ARHGEF2: variants seen among roughly 807,000 people sequenced by gnomAD.
The protein encoded by ARHGEF2 is Rho/Rac guanine nucleotide exchange factor 2.
In ARHGEF2, 22 loss-of-function variants were observed where a neutral mutation model predicts 121.0. The observed-to-expected ratio is 0.18, with a 90% CI of 0.13 to 0.26. ARHGEF2 has a LOEUF of 0.26. Among genes scored for constraint, ARHGEF2 ranks in the 10% least tolerant of loss-of-function variants. The pLI is 1.00. For synonymous variants in ARHGEF2, 487 were observed against 530.0 expected (o/e 0.92, Z 1.11); for missense variants, 907 against 1,336.0 (o/e 0.68, Z 5.01).
At chr1:155,969,806 G>C (rs1047659197) in intron 1 of ARHGEF2, 5 of 985,698 alleles carry the variant, frequency 5.1e-6, no homozygotes, top group African/African-American at 3.5e-5. Context: ...CAGTCACAGT[G>C]GGGGGGGCAG....
chr1:155,964,167 A>AATATATAT lies in ARHGEF2; in HGVS notation c.724+813_724+820dup, dbSNP rs869033599. Reference sequence around the variant, plus strand: ...TTCAAAAAAAAAAAAAAAAAAAAAAAATATATATATATATATATATATATA... The same window carrying AATATATAT: ...TTCAAAAAAAAAAAAAAAAAAAAAAAATATATATATATATATATATATATATATATATA... On this transcript the variant is annotated intron_variant, in intron 7 of 21. Coordinates refer to ENST00000361247, the MANE Select transcript of ARHGEF2 (RefSeq NM_001162383.2). 1.4e-3 allele frequency among the ~76,000 whole-genome samples: 126 copies of AATATATAT among 91,146 alleles called. 1 individual carries two copies. The highest frequency in any genetic ancestry group is 6.6e-3 in the African/African-American group (109 of 16,482). The allele number at this position is 91,146 out of a possible 152,430, so 59.8% of individuals were successfully genotyped here.
chr1:155,955,627 T>C (rs1335046193), intron 13 of ARHGEF2, among the ~76,000 whole-genome samples: 1 of 152,166 alleles, frequency 6.6e-6, no homozygotes, highest in African/African-American at 2.4e-5. Flanking sequence ...CCTCATAGGT[T>C]TTTCATTAGG....
intron 1 of ARHGEF2, chr1:155,970,416 C>G: frequency 1.0e-6 from 1 of 985,478 alleles, no homozygotes; most frequent in Non-Finnish European, 1.2e-6. Flanking sequence ...TCCCACTATT[C>G]TAGGACCTTC....
At chr1:155,966,955 A>G in intron 2 of ARHGEF2, 68 bp from the exon 3 acceptor site, 1 of 1,457,666 alleles carries the variant, frequency 6.9e-7, no homozygotes, top group Non-Finnish European at 9.6e-7. Flanking sequence ...ACCCACATGC[A>G]GACACCCATC....
At chr1:155,975,243 A>C (rs996126157) in intron 1 of ARHGEF2, among the ~76,000 whole-genome samples, 2 of 152,168 alleles carry the variant, frequency 1.3e-5, no homozygotes, top group Admixed American at 1.3e-4. Flanking sequence ...GCAGGCAGAC[A>C]GACACACTGA....
Position 155,952,377 on chromosome 1 carries a change from G to A in ARHGEF2, c.1985-142C>T, listed in dbSNP as rs59371857. On this transcript the variant is annotated intron_variant, in intron 15 of 21. Coordinates refer to ENST00000361247, the MANE Select transcript of ARHGEF2 (RefSeq NM_001162383.2). The stretch of plus-strand genomic sequence containing the variant: ...GTGGGGTTTCACTCACACAACCACT[G>A]ATGAGGTAAAGGGCAGTAAATGCCT... 2.6e-3 allele frequency: 3,313 copies of A among 1,278,082 alleles called. 77 individuals carry two copies. In the African/African-American group the frequency reaches 0.044, roughly 17 times the overall value. 79.2% of individuals were successfully genotyped at this position (1,278,082 alleles called of 1,614,324 possible).
rs1675733668 is a variant in ARHGEF2, at chr1:155,952,657, T to A, written c.1955A>T (p.Glu652Val). 6.2e-7 allele frequency: 1 copy of A among 1,613,206 alleles called. No individual in the cohort carries two copies. Among genetic ancestry groups the A allele is most frequent in the Non-Finnish European group, 8.5e-7 (1 of 1,179,266 alleles). Reference sequence around the variant, plus strand: ...ACGGATGGCATCCTGCAGCAGCCGCTCGCCACGAGGGGACTCAAGGGACTC... The same window carrying A: ...ACGGATGGCATCCTGCAGCAGCCGCACGCCACGAGGGGACTCAAGGGACTC... Reference protein sequence around the residue: ...RSESLESPRGERLLQDAIREV... With the variant: ...RSESLESPRGVRLLQDAIREV... Residue 652 changes from glutamate (E) to valine (V), a missense_variant, in exon 15 of 22, where the codon GAG becomes GTG. Transcript: ENST00000361247.
At chr1:155,978,860 C>T (rs1366948297), upstream of ARHGEF2, 1 of 987,260 alleles carries the variant, frequency 1.0e-6, no homozygotes, top group East Asian at 1.1e-4. This position sits in a 1 kb window ranked among gnomAD's most constrained non-coding sequence, Gnocchi z 4.1. Context: ...CTCTGCCCTC[C>T]CCTTCTTCCC....
rs774787045 is a variant in ARHGEF2 at position 155,957,894 on chromosome 1, G to A, written c.1546-12C>T. On this transcript the variant is annotated splice_polypyrimidine_tract_variant and intron_variant, in intron 12 of 21. Transcript: ENST00000361247. ...ACTGAAGGCTTGTCCTGCCAGTCAG[G>A]GGAAAGGAAGGATTAAGCCTGGGAA... 5.6e-6 allele frequency: 9 copies of A among 1,611,708 alleles called. No homozygotes were observed. Among genetic ancestry groups the A allele is most frequent in the African/African-American group, 4.0e-5 (3 of 74,848 alleles).
At chr1:155,973,835 C>G (rs1680873634) in intron 1 of ARHGEF2, among the ~76,000 whole-genome samples, 1 of 151,842 alleles carries the variant, frequency 6.6e-6, no homozygotes, top group African/African-American at 2.4e-5. Flanking sequence ...CAAAGGCAAA[C>G]ACAGTCTCCC....
At chr1:155,955,135 C>CT (rs903703964) in intron 13 of ARHGEF2, among the ~76,000 whole-genome samples, 166 bp from the exon 14 acceptor site, 250 of 148,992 alleles carry the variant, frequency 1.7e-3, no homozygotes, top group African/African-American at 5.1e-3. Flanking sequence ...CCTTTTCTTT[C>CT]TTTTTTTTTT....
At chr1:155,963,910 C>T (rs534599440) in intron 7 of ARHGEF2, among the ~76,000 whole-genome samples, 57 of 149,978 alleles carry the variant, frequency 3.8e-4, no homozygotes, top group African/African-American at 1.3e-3. Flanking sequence ...TTTGGGAGGC[C>T]GAGGCGGGTG....
chr1:155,965,220 C>T lies in ARHGEF2; in HGVS notation c.580+83G>A. 1.9e-6 allele frequency: 3 copies of T among 1,606,958 alleles called. No homozygotes were observed. Among genetic ancestry groups the T allele is most frequent in the Non-Finnish European group, 1.7e-6 (2 of 1,174,372 alleles). On this transcript the variant is annotated intron_variant, in intron 6 of 21. Coordinates refer to ENST00000361247, the MANE Select transcript of ARHGEF2 (RefSeq NM_001162383.2). The surrounding 1 kb of genome is among the most constrained non-coding windows in gnomAD (Gnocchi z 6.0). The stretch of plus-strand genomic sequence containing the variant: ...TCTCTAGATCCCTTCCCTCCTTGTC[C>T]TTCCAGGCTACTCCCACCAGCCTCT...
In ARHGEF2 at chr1:155,950,482, G is replaced by A; in HGVS notation, c.2704C>T (p.Pro902Ser). The change falls in exon 21 of 22, where the codon CCC becomes TCC. Residue 902 changes from proline (P) to serine (S), a missense_variant and splice_region_variant. Transcript: ENST00000361247. This position sits in a 1 kb window ranked among gnomAD's most constrained non-coding sequence, Gnocchi z 5.2. ...ALYLSFNPPQPSRGTDRLDLP... is the reference protein window; with the variant it reads ...ALYLSFNPPQSSRGTDRLDLP... Reference sequence around the variant, plus strand: ...TCCAGGCGGTCAGTGCCTCGGCTGGGCTGTGGACAGTGGGCAGGAAGAACA... The same window carrying A: ...TCCAGGCGGTCAGTGCCTCGGCTGGACTGTGGACAGTGGGCAGGAAGAACA... 1 of 1,613,392 alleles carries A rather than the reference G, an allele frequency of 6.2e-7. No homozygotes were observed. Among genetic ancestry groups the A allele is most frequent in the Non-Finnish European group, 8.5e-7 (1 of 1,179,986 alleles).
In ARHGEF2 at chr1:155,950,495, G is replaced by T; in HGVS notation, c.2704-13C>A. The stretch of plus-strand genomic sequence containing the variant: ...TGCCTCGGCTGGGCTGTGGACAGTG[G>T]GCAGGAAGAACAGCAGGTCAGGGAC... On this transcript the variant is annotated splice_polypyrimidine_tract_variant and intron_variant, in intron 20 of 21. Coordinates refer to ENST00000361247, the MANE Select transcript of ARHGEF2 (RefSeq NM_001162383.2). This position sits in a 1 kb window ranked among gnomAD's most constrained non-coding sequence, Gnocchi z 5.2. The T allele has an allele frequency of 6.2e-7, 1 of 1,612,418 alleles. No individual in the cohort carries two copies. The highest frequency in any genetic ancestry group is 8.5e-7 in the Non-Finnish European group (1 of 1,179,468).
At chr1:155,966,740 G>T in intron 3 of ARHGEF2, 80 bp downstream of exon 3, 1 of 1,409,364 alleles carries the variant, frequency 7.1e-7, no homozygotes, top group South Asian at 1.2e-5. Context: ...ACACAGGGTA[G>T]GGAATGAATG....
In ARHGEF2 at chr1:155,978,205, C is replaced by G; in HGVS notation, c.63+160G>C. On this transcript the variant is annotated intron_variant, in intron 1 of 21. Coordinates refer to ENST00000361247, the MANE Select transcript of ARHGEF2 (RefSeq NM_001162383.2). The surrounding 1 kb of genome is among the most constrained non-coding windows in gnomAD (Gnocchi z 4.1). ...CTCCCCCCACCCCTACCCACTCGCT[C>G]GCAGTCCCCACCCACCCCGTCCCGC... The G allele has an allele frequency of 7.7e-7, 1 of 1,300,480 alleles. No homozygotes were observed. The highest frequency in any genetic ancestry group is 1.7e-5 in the South Asian group (1 of 58,300). 80.6% of individuals were successfully genotyped at this position (1,300,480 alleles called of 1,614,324 possible).
In ARHGEF2 at chr1:155,952,709, T is replaced by G. The variant is rs767816233; in HGVS notation, c.1903A>C (p.Thr635Pro). ...EDGGSGMALPTLPRGLFRSES... is the reference protein window; with the variant it reads ...EDGGSGMALPPLPRGLFRSES... ...GAGCGGAAAAGGCCCCTGGGCAGGGTGGGCAGGGCCATCCCACTGCCACCA... is the reference window on the plus strand; with the variant it reads ...GAGCGGAAAAGGCCCCTGGGCAGGGGGGGCAGGGCCATCCCACTGCCACCA... The change falls in exon 15 of 22, where the codon ACC becomes CCC. Residue 635 changes from threonine to proline, a missense_variant. Transcript: ENST00000361247. 3.7e-6 allele frequency: 6 copies of G among 1,614,044 alleles called. No individual in the cohort carries two copies. The Admixed American group carries it at 1.0e-4, about 27-fold the overall frequency.
chr1:155,955,031 G>T, intron 13 of ARHGEF2, 62 bp from the exon 14 acceptor site: 1 of 1,404,460 alleles, frequency 7.1e-7, no homozygotes, highest in Non-Finnish European at 1.0e-6. Flanking sequence ...ACCAGAATCA[G>T]CCTTCCCTCC....
Sources: gnomAD v4.1 joint callset for allele counts (sites outside exome capture counted in the v4.1 genomes callset) on GRCh38, gnomAD v4.1.1 for gene constraint, Gnocchi (gnomAD v3.1) non-coding constraint, MANE v1.5 for transcripts, NCBI Gene and HGNC (gene_info 2026-07-23, HGNC 2026-07-21) for gene names.